ITGAD: variants seen among roughly 807,000 people sequenced by gnomAD.
ITGAD encodes integrin alpha-D.
In ITGAD, 105 loss-of-function variants were observed where a neutral mutation model predicts 139.0. The observed-to-expected ratio is 0.76, with a 90% CI of 0.65 to 0.89. ITGAD has a LOEUF of 0.89. Ranked by LOEUF, ITGAD falls within the 40% of genes least tolerant of loss-of-function variation. The probability of loss-of-function intolerance (pLI) is 0.00; values close to 1 mark genes in which losing one functional copy is unlikely to be tolerated. For missense variants in ITGAD, 1,384 were observed against 1,487.3 expected, an observed-to-expected ratio of 0.93 and a Z score of 1.14; for synonymous variants, 569 against 598.3, an observed-to-expected ratio of 0.95 and a Z score of 0.71.
At chr16:31,405,417 A>G (rs181412403) in intron 7 of ITGAD, among the ~76,000 whole-genome samples, 1 of 152,330 alleles carries the variant, frequency 6.6e-6, no homozygotes, top group East Asian at 1.9e-4. Flanking sequence ...TAAAAGAAGT[A>G]TTATATTACC....
intron 26 of ITGAD, 29 bp from the exon 27 acceptor site, chr16:31,423,816 C>T (rs2082055682): frequency 6.2e-7 from 1 of 1,608,762 alleles, no homozygotes; most frequent in African/African-American, 1.3e-5. Context: ...GGGAAGAACC[C>T]CTCAGTTTCA....
chr16:31,425,901 C>T, intron 29 of ITGAD, 114 bp from the exon 30 acceptor site: 2 of 649,130 alleles, frequency 3.1e-6, no homozygotes, highest in East Asian at 2.9e-5. Flanking sequence ...GGCTGGTCTC[C>T]AGCTCCTGAC....
chr16:31,423,958 G>A lies in ITGAD; in HGVS notation c.3159G>A (p.Glu1053=). Residue 1053 remains glutamate (E), a splice_region_variant and synonymous_variant, in exon 27 of 30, where the codon GAG becomes GAA. Coordinates refer to ENST00000389202, the MANE Select transcript of ITGAD (RefSeq NM_005353.3). ...KGNLSFGWVR[E]TLQKKVLVVS... ...ATCTCAGTTTCGGCTGGGTCCGCGAGGTGTGTGGGGGCAGCGGCAGAGCCC... is the reference window on the plus strand; with the variant it reads ...ATCTCAGTTTCGGCTGGGTCCGCGAAGTGTGTGGGGGCAGCGGCAGAGCCC... The A allele has an allele frequency of 1.2e-6, 2 of 1,614,082 alleles. No homozygotes were observed. Among genetic ancestry groups the A allele is most frequent in the Non-Finnish European group, 1.7e-6 (2 of 1,179,962 alleles).
intron 9 of ITGAD, among the ~76,000 whole-genome samples, chr16:31,408,203 C>T (rs944566985): frequency 2.6e-5 from 4 of 152,126 alleles, no homozygotes; most frequent in Non-Finnish European, 5.9e-5. Context: ...AACTCCTGAC[C>T]TCAGGTGATC....
In ITGAD at chr16:31,393,349, C is replaced by T. The variant is rs369567409; in HGVS notation, c.-12C>T. ...CCCAACCTTCCACTTCCCCTCAACGCGCTGCTCAGGGATGACCTTCGGCAC... is the reference window on the plus strand; with the variant it reads ...CCCAACCTTCCACTTCCCCTCAACGTGCTGCTCAGGGATGACCTTCGGCAC... On this transcript the variant is annotated 5_prime_UTR_variant, in exon 1 of 30. Transcript: ENST00000389202. 58 of 1,614,088 alleles carry T rather than the reference C, an allele frequency of 3.6e-5. No individual in the cohort carries two copies. In the East Asian group the frequency reaches 8.9e-4, roughly 25 times the overall value.
rs959345845 is a variant in ITGAD, at chr16:31,424,367, G to A, written c.3262-100G>A. ...GGGTGCTACTGTGTCTCACTCCTTG[G>A]AGCAGAGCCTCAGAAAGGAGGGGAG... On this transcript the variant is annotated intron_variant, in intron 28 of 29. Transcript: ENST00000389202. 7 of 1,271,616 alleles carry A rather than the reference G, an allele frequency of 5.5e-6. No individual in the cohort carries two copies. In the African/African-American group the frequency reaches 1.0e-4, roughly 19 times the overall value. 78.8% of individuals were successfully genotyped at this position (1,271,616 alleles called of 1,614,324 possible).
Position 31,407,685 on chromosome 16 carries a change from C to A in ITGAD, c.858+17C>A. ...GCTATCGGGGTGCGCCTCTTCTTCA[C>A]CCCTGCCCCAGGCTCAGCCTGCATC... On this transcript the variant is annotated intron_variant, in intron 8 of 29. Transcript: ENST00000389202. The A allele has an allele frequency of 1.9e-6, 3 of 1,613,760 alleles. No homozygotes were observed. Among genetic ancestry groups the A allele is most frequent in the African/African-American group, 2.7e-5 (2 of 75,054 alleles).
chr16:31,416,336 C>T, intron 19 of ITGAD, 50 bp downstream of exon 19: 5 of 1,522,746 alleles, frequency 3.3e-6, no homozygotes, highest in Non-Finnish European at 4.5e-6. Flanking sequence ...CTGAGTCCCC[C>T]ATCCTCCTGG....
chr16:31,406,308 C>T (rs143383809), intron 7 of ITGAD, among the ~76,000 whole-genome samples: 104 of 152,256 alleles, frequency 6.8e-4, no homozygotes, highest in African/African-American at 2.3e-3. Context: ...CTCCTGACCT[C>T]GTGATCCTCC....
rs750190335 is a variant in ITGAD, at chr16:31,394,216, G to A, written c.32-20G>A. ...GGCTTCTTTAACTCCCAGCCTCCCC[G>A]CCCACCAAATATTCCTCAGTCCTGG... On this transcript the variant is annotated intron_variant, in intron 1 of 29. Coordinates refer to ENST00000389202, the MANE Select transcript of ITGAD (RefSeq NM_005353.3). The A allele has an allele frequency of 9.1e-6, 14 of 1,538,038 alleles. No individual in the cohort carries two copies. Among genetic ancestry groups the A allele is most frequent in the East Asian group, 2.3e-5 (1 of 43,772 alleles).
At chr16:31,397,761 T>C in intron 4 of ITGAD, 34 bp from the exon 5 acceptor site, 1 of 1,599,846 alleles carries the variant, frequency 6.3e-7, no homozygotes. Context: ...GAGGGGCTGC[T>C]AGGGACTCCT....
At chr16:31,401,906 C>A (rs1041511472) in intron 5 of ITGAD, among the ~76,000 whole-genome samples, 1 of 152,206 alleles carries the variant, frequency 6.6e-6, no homozygotes, top group Non-Finnish European at 1.5e-5. Flanking sequence ...AGGAGCCCAC[C>A]TGGGTCCTGT....
intron 2 of ITGAD, 97 bp downstream of exon 2, chr16:31,394,438 C>A: frequency 1.2e-6 from 1 of 803,510 alleles, no homozygotes; most frequent in Non-Finnish European, 2.0e-6. Context: ...TGGAGGAAGG[C>A]CAGCAGGGGT....
intron 2 of ITGAD, among the ~76,000 whole-genome samples, chr16:31,396,215 T>TA (rs1004900424): frequency 6.6e-6 from 1 of 152,186 alleles, no homozygotes; most frequent in African/African-American, 2.4e-5. Flanking sequence ...CTCATGCCTA[T>TA]AATCCTAGAA....
chr16:31,402,324 G>A, intron 6 of ITGAD, 79 bp downstream of exon 6: 1 of 1,249,384 alleles, frequency 8.0e-7, no homozygotes, highest in Non-Finnish European at 1.1e-6. Context: ...GAGGGGTGGG[G>A]GCAGGCCAGT....
chr16:31,418,677 G>T, intron 23 of ITGAD, 113 bp downstream of exon 23: 1 of 836,388 alleles, frequency 1.2e-6, no homozygotes, highest in Non-Finnish European at 2.0e-6. Flanking sequence ...TCCTGTTTTG[G>T]GATGCCTTTG....
At chr16:31,416,688 C>T in intron 20 of ITGAD, 42 bp downstream of exon 20, 1 of 1,571,004 alleles carries the variant, frequency 6.4e-7, no homozygotes, top group South Asian at 1.1e-5. Context: ...GGCCTCTCCC[C>T]TGCCCTGTAG....
In ITGAD at chr16:31,411,208, C is replaced by T. The variant is rs2081698637; in HGVS notation, c.1489C>T (p.Pro497Ser). 6.2e-7 allele frequency: 1 copy of T among 1,613,148 alleles called. No homozygotes were observed. The highest frequency in any genetic ancestry group is 1.3e-5 in the African/African-American group (1 of 74,854). Residue 497 changes from proline (P) to serine (S), a missense_variant, in exon 13 of 30, where the codon CCT becomes TCT. Transcript: ENST00000389202. ...RGGQVSVCPL[P>S]RGRVQWQCDA... The stretch of plus-strand genomic sequence containing the variant: ...GGGCCAGGTGTCCGTGTGTCCCTTG[C>T]CTAGGGGGGTGAGTGGCTGATGGGA...
rs569803796 is a variant in ITGAD at position 31,423,660 on chromosome 16, C to T, written c.3045+12C>T. The stretch of plus-strand genomic sequence containing the variant: ...GAAGTCCCATGCTGGTGAGAAAGTC[C>T]CTGAACCCCCACCGCCAAGATCAGC... On this transcript the variant is annotated intron_variant, in intron 26 of 29. Transcript: ENST00000389202. The T allele has an allele frequency of 1.2e-6, 2 of 1,610,080 alleles. No individual in the cohort carries two copies. The highest frequency in any genetic ancestry group is 1.7e-5 in the Admixed American group (1 of 59,934).
Sources: gnomAD v4.1 joint callset for allele counts (sites outside exome capture counted in the v4.1 genomes callset) on GRCh38, gnomAD v4.1.1 for gene constraint, MANE v1.5 for transcripts, NCBI Gene and HGNC (gene_info 2026-07-23, HGNC 2026-07-21) for gene names.